The following EYS variants were observed in gnomAD, a reference collection of about 807,000 sequenced individuals.
The protein encoded by EYS is EGF-like photoreceptor maintenance factor.
Under a neutral mutation model 282.1 loss-of-function variants are expected in EYS, and 250 were observed. The observed-to-expected ratio is 0.89, with a 90% CI of 0.80 to 0.98. EYS has a LOEUF of 0.98. Among genes scored for constraint, EYS ranks in the 50% least tolerant of loss-of-function variants. The pLI is 0.00. For missense variants in EYS, 4,016 were observed against 3,709.0 expected (o/e 1.08, Z -2.15); for synonymous variants, 1,355 against 1,282.9 (o/e 1.06, Z -1.20).
At chr6:64,686,521 C>T (rs1392880840) in intron 22 of EYS, among the ~76,000 whole-genome samples, 1 of 150,892 alleles carries the variant, frequency 6.6e-6, no homozygotes. Context: ...GCGGGCGGAT[C>T]ACGAGGTCAG....
chr6:65,389,156 A>G (rs570093688), intron 7 of EYS, among the ~76,000 whole-genome samples: 30 of 152,276 alleles, frequency 2.0e-4, no homozygotes, highest in Admixed American at 3.3e-4. Flanking sequence ...TTAAAAATAT[A>G]AACCAAATAA....
intron 29 of EYS, among the ~76,000 whole-genome samples, chr6:64,317,699 A>G (rs1770030057): frequency 6.6e-6 from 1 of 152,168 alleles, no homozygotes; most frequent in Non-Finnish European, 1.5e-5. Context: ...AAGGGATTAT[A>G]AATAATTCTA....
At chr6:64,107,271 GTATATATATATATTTATATATATA>G (rs535956195) in intron 31 of EYS, among the ~76,000 whole-genome samples, 1,158 of 99,958 alleles carry the variant, frequency 0.012, 20 homozygotes, top group Admixed American at 0.02. Context: ...GTGTGTGTGT[GTATATATATATATTTATATATATA>G]TATATATATA....
intron 5 of EYS, among the ~76,000 whole-genome samples, chr6:65,414,590 T>TA (rs1229376623): frequency 6.6e-6 from 1 of 152,052 alleles, no homozygotes; most frequent in Non-Finnish European, 1.5e-5. Context: ...CTTTTTTTTT[T>TA]ATGTAAGTAA....
At chr6:65,352,539 A>G (rs1011275716) in intron 9 of EYS, among the ~76,000 whole-genome samples, 1 of 151,982 alleles carries the variant, frequency 6.6e-6, no homozygotes, top group African/African-American at 2.4e-5. Flanking sequence ...ATATATGGGA[A>G]CACAAGTGCT....
chr6:65,684,385 G>A (rs1768933359), intron 1 of EYS, among the ~76,000 whole-genome samples: 1 of 152,006 alleles, frequency 6.6e-6, no homozygotes, highest in Non-Finnish European at 1.5e-5. Context: ...GATGGTGGGA[G>A]GGGGTCCTTT....
chr6:64,811,723 CT>C (rs528714522), intron 22 of EYS, among the ~76,000 whole-genome samples: 382 of 152,232 alleles, frequency 2.5e-3, no homozygotes, highest in Non-Finnish European at 4.0e-3. Context: ...ACATTCACAT[CT>C]CTGCCATCCT....
chr6:63,822,836 G>A (rs1026852773), intron 36 of EYS, among the ~76,000 whole-genome samples: 2 of 152,098 alleles, frequency 1.3e-5, no homozygotes, highest in Admixed American at 6.5e-5. Context: ...TAATTGAAGA[G>A]GTTTTAGTGT....
chr6:64,762,219 CTTTGTAATGGTTGTCA>C (rs1342492198), intron 22 of EYS, among the ~76,000 whole-genome samples: 1 of 152,050 alleles, frequency 6.6e-6, no homozygotes, highest in South Asian at 2.1e-4. Flanking sequence ...TTAAAAATGA[CTTTGTAATGGTTGTCA>C]TTTGTAATGG....
intron 34 of EYS, among the ~76,000 whole-genome samples, chr6:63,994,073 C>G (rs1468777042): frequency 5.9e-5 from 9 of 151,896 alleles, no homozygotes; most frequent in African/African-American, 2.2e-4. Context: ...GGAAAACTGG[C>G]TATTCACATG....
At chr6:64,744,032 CTT>C (rs1254875711) in intron 22 of EYS, among the ~76,000 whole-genome samples, 1 of 152,062 alleles carries the variant, frequency 6.6e-6, no homozygotes, top group Non-Finnish European at 1.5e-5. Flanking sequence ...ACATTCATGT[CTT>C]TACATGACAT....
rs573056494 is a variant in EYS at position 65,540,855 on chromosome 6, G to A, written c.-332-44862C>T. ...GGAGAATCGCTTGAATCCGGGAAGC[G>A]GAGGTAGCAGTGAGCCGAGATCACG... On this transcript the variant is annotated intron_variant, in intron 2 of 42. Transcript: ENST00000503581. Among the ~76,000 whole-genome samples, 12 of 152,158 alleles carry A rather than the reference G, an allele frequency of 7.9e-5. No individual in the cohort carries two copies. The East Asian group carries it at 1.4e-3, about 17-fold the overall frequency.
intron 2 of EYS, among the ~76,000 whole-genome samples, chr6:65,515,712 A>G (rs1333699279): frequency 2.7e-5 from 4 of 146,106 alleles, no homozygotes; most frequent in African/African-American, 1.0e-4. Context: ...AACACCGCAT[A>G]TTCTCACTCA....
At chr6:65,152,970 C>T (rs573326321) in intron 12 of EYS, among the ~76,000 whole-genome samples, 1 of 150,254 alleles carries the variant, frequency 6.7e-6, no homozygotes, top group African/African-American at 2.4e-5. Context: ...GACGGCGACA[C>T]TTGTATTAGA....
At chr6:64,838,413 T>A (rs1765453111) in intron 19 of EYS, among the ~76,000 whole-genome samples, 1 of 152,064 alleles carries the variant, frequency 6.6e-6, no homozygotes, top group Admixed American at 6.6e-5. Flanking sequence ...TTTCAAGTGG[T>A]ATCTGGTTCT....
chr6:64,624,908 A>C (rs570287217), intron 23 of EYS, among the ~76,000 whole-genome samples: 3 of 152,090 alleles, frequency 2.0e-5, no homozygotes, highest in Non-Finnish European at 4.4e-5. Flanking sequence ...TATGTTTCCC[A>C]AGCTGGAGTT....
At chr6:64,819,633 T>G (rs114546789) in intron 21 of EYS, among the ~76,000 whole-genome samples, 1 of 152,050 alleles carries the variant, frequency 6.6e-6, no homozygotes, top group African/African-American at 2.4e-5. Context: ...TCACGAATTC[T>G]ATAATTGTAG....
At chr6:64,731,043 T>G (rs1771945188) in intron 22 of EYS, 1 of 152,188 alleles carries the variant, frequency 6.6e-6, no homozygotes, top group Non-Finnish European at 1.5e-5. Context: ...ATCTTTTACA[T>G]GAACAAGATA....
At chr6:63,825,743 A>G (rs1433597303) in intron 36 of EYS, among the ~76,000 whole-genome samples, 1 of 152,210 alleles carries the variant, frequency 6.6e-6, no homozygotes, top group Non-Finnish European at 1.5e-5. Context: ...GATCTGAACA[A>G]CAGCCTTCGG....
Sources: allele counts gnomAD v4.1 joint callset (sites outside exome capture counted in the v4.1 genomes callset), GRCh38; gene constraint gnomAD v4.1.1; transcripts MANE v1.5; gene names NCBI Gene and HGNC (gene_info 2026-07-23, HGNC 2026-07-21).